FSTL4: variants seen among roughly 807,000 people sequenced by gnomAD.
FSTL4 encodes follistatin-related protein 4.
In FSTL4, 28 loss-of-function variants were observed where a neutral mutation model predicts 78.2. The observed-to-expected ratio is 0.36, with a 90% CI of 0.27 to 0.49. FSTL4 has a LOEUF of 0.49. Among genes scored for constraint, FSTL4 ranks in the 20% least tolerant of loss-of-function variants. FSTL4 has a pLI of 0.98. For missense variants in FSTL4, 922 were observed against 1,084.9 expected (o/e 0.85, Z 2.11); for synonymous variants, 422 against 440.5 (o/e 0.96, Z 0.53).
chr5:133,286,846 T>C (rs1306716423), intron 6 of FSTL4, among the ~76,000 whole-genome samples: 1 of 152,268 alleles, frequency 6.6e-6, no homozygotes, highest in Non-Finnish European at 1.5e-5. Context: ...TAAGACACAC[T>C]GATCGCCTCA....
At chr5:133,439,842 C>T (rs1757113591) in intron 3 of FSTL4, among the ~76,000 whole-genome samples, 1 of 152,068 alleles carries the variant, frequency 6.6e-6, no homozygotes, top group Non-Finnish European at 1.5e-5. Context: ...CTTAGCCCAC[C>T]CCCACCCTCT....
chr5:133,499,770 A>G (rs1234006467), intron 3 of FSTL4, among the ~76,000 whole-genome samples: 1 of 152,166 alleles, frequency 6.6e-6, no homozygotes, highest in Non-Finnish European at 1.5e-5. Context: ...TCCTTGAGGC[A>G]GCAATGATCT....
chr5:133,753,731 T>G, the FSTL4 span, among the ~76,000 whole-genome samples: 1 of 58,984 alleles, frequency 1.7e-5, no homozygotes, highest in African/African-American at 6.2e-5. Context: ...GTGTGTGTAG[T>G]GGCAGGGAAG....
the FSTL4 span, among the ~76,000 whole-genome samples, chr5:133,667,937 ATT>A: frequency 6.6e-6 from 1 of 152,234 alleles, no homozygotes; most frequent in African/African-American, 2.4e-5. Flanking sequence ...ATAAAATTGC[ATT>A]CAGTGGTGAA....
chr5:133,609,427 AG>A (rs1299826867), intron 1 of FSTL4, among the ~76,000 whole-genome samples: 1 of 152,212 alleles, frequency 6.6e-6, no homozygotes, highest in African/African-American at 2.4e-5. Context: ...GGGGAAAAAA[AG>A]CCACATCAAC....
At chr5:133,537,797 T>C (rs73788132) in intron 3 of FSTL4, among the ~76,000 whole-genome samples, 15,841 of 148,334 alleles carry the variant, frequency 0.11, 1,366 homozygotes, top group African/African-American at 0.24. Flanking sequence ...TATATATATA[T>C]ACACACACAC....
the FSTL4 span, among the ~76,000 whole-genome samples, chr5:133,723,624 G>A: frequency 1.3e-4 from 20 of 152,208 alleles, no homozygotes; most frequent in African/African-American, 4.8e-4. Flanking sequence ...GGGGCTGCAA[G>A]TCCAATTCCA....
the FSTL4 span, among the ~76,000 whole-genome samples, chr5:133,762,312 A>G: frequency 6.6e-6 from 1 of 152,166 alleles, no homozygotes. Context: ...TGACTGGACT[A>G]AACAAGGGCC....
chr5:133,511,272 A>G (rs1205277337), intron 3 of FSTL4, among the ~76,000 whole-genome samples: 1 of 152,238 alleles, frequency 6.6e-6, no homozygotes, highest in Non-Finnish European at 1.5e-5. Flanking sequence ...AGGATCATTC[A>G]GCGATGGAGT....
intron 4 of FSTL4, among the ~76,000 whole-genome samples, chr5:133,379,696 T>G (rs1171621402): frequency 9.2e-5 from 14 of 152,046 alleles, no homozygotes. Context: ...TTGATATGAA[T>G]GAAAATAAGG....
chr5:133,198,934 C>T lies in FSTL4; in HGVS notation c.*161G>A, dbSNP rs908744474. 2.3e-5 allele frequency: 12 copies of T among 517,320 alleles called. No homozygotes were observed. The highest frequency in any genetic ancestry group is 1.3e-4 in the Admixed American group (4 of 29,912). The allele number at this position is 517,320 out of a possible 1,614,324, so 32.0% of individuals were successfully genotyped here. A position where few individuals can be genotyped will look rare whatever the true frequency, so the allele number is the denominator to read the frequency against. On this transcript the variant is annotated 3_prime_UTR_variant, in exon 16 of 16. Transcript: ENST00000265342. ...GAAAAAACCCCAATCTTGGTAGCAG[C>T]GCATACCTTATACTAGGAAACTTGC... is the stretch of plus-strand genomic sequence containing the variant.
At chr5:133,548,116 T>C (rs1379374119) in intron 3 of FSTL4, among the ~76,000 whole-genome samples, 2 of 152,210 alleles carry the variant, frequency 1.3e-5, no homozygotes, top group African/African-American at 4.8e-5. Context: ...ATTTCTTCAT[T>C]TGGCTTCATC....
intron 8 of FSTL4, among the ~76,000 whole-genome samples, chr5:133,227,492 T>C (rs970542299): frequency 2.6e-5 from 4 of 152,336 alleles, no homozygotes; most frequent in Middle Eastern, 3.4e-3. Flanking sequence ...TTTGAATAGA[T>C]AGAATTTTGG....
the FSTL4 span, among the ~76,000 whole-genome samples, chr5:133,796,983 T>C: frequency 1.4e-4 from 21 of 152,286 alleles, no homozygotes; most frequent in Admixed American, 5.2e-4. Flanking sequence ...GTAGACTGCA[T>C]TGAGCCCAGG....
chr5:133,815,044 C>T, the FSTL4 span, among the ~76,000 whole-genome samples: 1 of 152,156 alleles, frequency 6.6e-6, no homozygotes, highest in Admixed American at 6.5e-5. Context: ...TGCAAGAGGT[C>T]TGGGTATCAA....
intron 6 of FSTL4, among the ~76,000 whole-genome samples, chr5:133,260,906 C>T (rs995155162): frequency 1.3e-5 from 2 of 152,064 alleles, no homozygotes. Flanking sequence ...AAAGTGGAAA[C>T]GTGGAGTAAG....
the FSTL4 span, among the ~76,000 whole-genome samples, chr5:133,661,053 C>T: frequency 6.6e-6 from 1 of 152,158 alleles, no homozygotes; most frequent in Non-Finnish European, 1.5e-5. Context: ...TGCAATGGCA[C>T]GAGCTCAGCT....
At chr5:133,463,289 A>T (rs1323656781) in intron 3 of FSTL4, among the ~76,000 whole-genome samples, 2 of 152,142 alleles carry the variant, frequency 1.3e-5, no homozygotes, top group African/African-American at 4.8e-5. Context: ...CTGAGAAGCC[A>T]ATTTATCCAG....
chr5:133,649,931 A>C, the FSTL4 span, among the ~76,000 whole-genome samples: 2 of 151,808 alleles, frequency 1.3e-5, no homozygotes, highest in Non-Finnish European at 1.5e-5. Context: ...TTTATCACAA[A>C]AAAAAAAAGG....
Sources: gnomAD v4.1 joint callset for allele counts (sites outside exome capture counted in the v4.1 genomes callset) on GRCh38, gnomAD v4.1.1 for gene constraint, MANE v1.5 for transcripts, NCBI Gene and HGNC (gene_info 2026-07-23, HGNC 2026-07-21) for gene names.